NAV3: variants seen among roughly 807,000 people sequenced by gnomAD.
The protein encoded by NAV3 is neuron navigator 3, also known as pore membrane and/or filament interacting like protein 1.
In NAV3, 87 loss-of-function variants were observed where a neutral mutation model predicts 244.7. That is an observed-to-expected ratio of 0.36 (90% CI 0.30 to 0.42). NAV3 has a LOEUF of 0.42. Ranked by LOEUF, NAV3 falls within the 20% of genes least tolerant of loss-of-function variation. NAV3 has a pLI of 1.00. For missense variants in NAV3, 2,663 were observed against 2,893.3 expected, an observed-to-expected ratio of 0.92 and a Z score of 1.83; for synonymous variants, 1,126 against 1,042.2, an observed-to-expected ratio of 1.08 and a Z score of -1.55.
chr12:78,177,227 T>C lies in NAV3; in HGVS notation c.5211T>C (p.Asp1737=), dbSNP rs1183629557. The change falls in exon 27 of 40, where the codon GAT becomes GAC. Residue 1737 remains aspartate (D), a synonymous_variant. Coordinates refer to ENST00000397909, the MANE Select transcript of NAV3 (RefSeq NM_001024383.2). The part of the protein sequence containing the change: ...SSHSDIEELT[D]SSLPASPKLP... ...ATTCTGACATTGAAGAGCTTACTGATTCATCCCTTCCGGCATCCCCCAAGT... is the reference window on the plus strand; with the variant it reads ...ATTCTGACATTGAAGAGCTTACTGACTCATCCCTTCCGGCATCCCCCAAGT... 3 of 1,613,418 alleles carry C rather than the reference T, an allele frequency of 1.9e-6. No individual in the cohort carries two copies. Among genetic ancestry groups the C allele is most frequent in the Non-Finnish European group, 2.5e-6 (3 of 1,179,630 alleles).
intron 3 of NAV3, 41 bp from the exon 4 acceptor site, chr12:77,966,188 T>C (rs1379156246): frequency 7.1e-6 from 11 of 1,545,154 alleles, no homozygotes; most frequent in Non-Finnish European, 8.0e-6. Flanking sequence ...TGTTAAAATA[T>C]AATCCTCTAA....
intron 2 of NAV3, among the ~76,000 whole-genome samples, chr12:77,632,936 C>A (rs1871980570): frequency 6.6e-6 from 1 of 152,026 alleles, no homozygotes. Context: ...GAAATGTTAA[C>A]TATTATTGCA....
At chr12:78,010,752 C>CAT (rs891095477) in intron 8 of NAV3, 8 of 151,728 alleles carry the variant, frequency 5.3e-5, no homozygotes, top group Admixed American at 1.3e-4. Context: ...TATACAGATA[C>CAT]ATATATATAT....
intron 2 of NAV3, among the ~76,000 whole-genome samples, chr12:77,668,977 G>A (rs2137067130): frequency 6.6e-6 from 1 of 152,270 alleles, no homozygotes; most frequent in Admixed American, 6.5e-5. Context: ...AAGCTAGAAG[G>A]GAATGGGGTC....
intron 2 of NAV3, among the ~76,000 whole-genome samples, chr12:77,684,631 A>C (rs1874630924): frequency 6.6e-6 from 1 of 151,970 alleles, no homozygotes; most frequent in African/African-American, 2.4e-5. Context: ...CCTACTTTTA[A>C]TTTTCTTAAT....
Position 77,897,890 on chromosome 12 carries a change from T to A in NAV3, c.244-42429T>A, listed in dbSNP as rs114640836. On this transcript the variant is annotated intron_variant, in intron 1 of 39. Coordinates refer to ENST00000397909, the MANE Select transcript of NAV3 (RefSeq NM_001024383.2). ...TACTCTTGTTAAATGCAACTTCCAA[T>A]CTCATAGTCTTTTGTTTCTTCACAG... is the stretch of plus-strand genomic sequence containing the variant. Among the ~76,000 whole-genome samples, 1,259 of 152,240 alleles carry A rather than the reference T, an allele frequency of 8.3e-3. 16 individuals are homozygous for A. Among genetic ancestry groups the A allele is most frequent in the Middle Eastern group, 0.027 (8 of 294 alleles).
At chr12:78,120,401 T>C (rs867058149) in intron 15 of NAV3, among the ~76,000 whole-genome samples, 1 of 152,216 alleles carries the variant, frequency 6.6e-6, no homozygotes, top group African/African-American at 2.4e-5. Context: ...TAAATGTAGA[T>C]GAAGTTGTTT....
Position 77,934,236 on chromosome 12 carries a change from G to A in NAV3, c.244-6083G>A, listed in dbSNP as rs998435127. Among the ~76,000 whole-genome samples, 9 of 152,012 alleles carry A rather than the reference G, an allele frequency of 5.9e-5. No homozygotes were observed. The East Asian group carries it at 7.7e-4, about 13-fold the overall frequency. On this transcript the variant is annotated intron_variant, in intron 1 of 39. Coordinates refer to ENST00000397909, the MANE Select transcript of NAV3 (RefSeq NM_001024383.2). ...GGCTGCTGTCTGATGAGTGCCCGAA[G>A]GTAGGATTCCTGTCATACATAACTT...
At chr12:77,665,091 C>A (rs917984516) in intron 2 of NAV3, among the ~76,000 whole-genome samples, 3 of 152,158 alleles carry the variant, frequency 2.0e-5, no homozygotes, top group African/African-American at 7.2e-5. Context: ...TTGTTCCTCA[C>A]TAAAGAGTTG....
At chr12:77,909,863 A>G (rs1886399322) in intron 1 of NAV3, among the ~76,000 whole-genome samples, 1 of 152,126 alleles carries the variant, frequency 6.6e-6, no homozygotes. Context: ...ATGAATGTCT[A>G]AAAATGGGTT....
intron 1 of NAV3, among the ~76,000 whole-genome samples, chr12:77,842,520 G>A (rs146227441): frequency 6.0e-5 from 9 of 151,090 alleles, no homozygotes; most frequent in South Asian, 2.1e-4. Context: ...TTAACAAATC[G>A]GGTGAAGTCA....
Position 77,654,245 on chromosome 12 carries a change from C to G in NAV3, c.72+81979C>G, listed in dbSNP as rs573707214. ...CGGCACCTGGAAAATCGGGTCACTC[C>G]CACCCAAATACTGCGCTTTTCCGAC... is the stretch of plus-strand genomic sequence containing the variant. On this transcript the variant is annotated intron_variant, in intron 2 of 8. Transcript: ENST00000550042. Among the ~76,000 whole-genome samples, 5 of 152,356 alleles carry G rather than the reference C, an allele frequency of 3.3e-5. No individual in the cohort carries two copies. The South Asian group carries it at 1.0e-3, about 32-fold the overall frequency.
chr12:78,146,424 T>G (rs1198889171), intron 21 of NAV3, 32 bp downstream of exon 21: 1 of 990,506 alleles, frequency 1.0e-6, no homozygotes, highest in East Asian at 2.8e-5. Context: ...TTTTAATATT[T>G]TCTATTTTAG....
chr12:78,149,182 T>C (rs1387773810), intron 22 of NAV3, among the ~76,000 whole-genome samples: 1 of 152,074 alleles, frequency 6.6e-6, no homozygotes, highest in Non-Finnish European at 1.5e-5. Context: ...GGTTACTTCT[T>C]TTCTTGTTTG....
At chr12:77,613,156 T>G (rs926952287) in intron 2 of NAV3, among the ~76,000 whole-genome samples, 11 of 152,322 alleles carry the variant, frequency 7.2e-5, no homozygotes, top group Non-Finnish European at 1.6e-4. Context: ...GCAGCAATTA[T>G]CAATCTCATT....
chr12:77,801,005 A>G (rs1172741516), intron 2 of NAV3, among the ~76,000 whole-genome samples: 1 of 152,144 alleles, frequency 6.6e-6, no homozygotes, highest in Non-Finnish European at 1.5e-5. Context: ...CCTAGAACTG[A>G]TATCTATTTC....
chr12:78,037,265 C>A, intron 9 of NAV3: 1 of 702,960 alleles, frequency 1.4e-6, no homozygotes. Flanking sequence ...GCAGCATCAG[C>A]AGAAGCTGGG....
chr12:77,620,238 A>G (rs1005536917), intron 2 of NAV3, among the ~76,000 whole-genome samples: 2 of 152,182 alleles, frequency 1.3e-5, no homozygotes, highest in Non-Finnish European at 2.9e-5. Context: ...CCTGATCTTT[A>G]TAATAGGGTT....
chr12:78,166,547 C>T (rs1957788760), intron 23 of NAV3, among the ~76,000 whole-genome samples: 3 of 151,552 alleles, frequency 2.0e-5, no homozygotes, highest in African/African-American at 2.4e-5. Flanking sequence ...AGTTATATAG[C>T]ATATATATTT....
Sources: gnomAD v4.1 joint callset for allele counts (sites outside exome capture counted in the v4.1 genomes callset) on GRCh38, gnomAD v4.1.1 for gene constraint, MANE v1.5 for transcripts, NCBI Gene and HGNC (gene_info 2026-07-23, HGNC 2026-07-21) for gene names.